SLIT3: variants seen among roughly 807,000 people sequenced by gnomAD.
The protein encoded by SLIT3 is slit guidance ligand 3, also known as slit homolog 3 protein.
A neutral mutation model predicts 184.0 loss-of-function variants in SLIT3; 68 were observed. That is an observed-to-expected ratio of 0.37 (90% CI 0.30 to 0.45). SLIT3 has a LOEUF of 0.45. Ranked by LOEUF, SLIT3 falls within the 20% of genes least tolerant of loss-of-function variation. The pLI is 1.00. For missense variants in SLIT3, 1,707 were observed against 2,026.0 expected (o/e 0.84, Z 3.02); for synonymous variants, 831 against 828.6 (o/e 1.00, Z -0.05).
intron 4 of SLIT3, among the ~76,000 whole-genome samples, chr5:168,996,788 G>T (rs1264647789): frequency 6.6e-6 from 1 of 152,174 alleles, no homozygotes; most frequent in Non-Finnish European, 1.5e-5. Flanking sequence ...TGACGGTGAG[G>T]GGCCCCAGCT....
intron 9 of SLIT3, among the ~76,000 whole-genome samples, chr5:168,805,097 T>C (rs958889107): frequency 6.6e-6 from 1 of 152,254 alleles, no homozygotes; most frequent in Non-Finnish European, 1.5e-5. Context: ...TTACTTTACT[T>C]TGTTGCTTGT....
chr5:168,708,990 G>A (rs1423147455), intron 25 of SLIT3, among the ~76,000 whole-genome samples: 1 of 152,150 alleles, frequency 6.6e-6, no homozygotes, highest in Non-Finnish European at 1.5e-5. Context: ...GCTTGGGGCT[G>A]AGGGGGTTTG....
chr5:168,731,385 C>G (rs763433591), intron 20 of SLIT3, among the ~76,000 whole-genome samples: 4 of 151,868 alleles, frequency 2.6e-5, no homozygotes, highest in Non-Finnish European at 4.4e-5. Context: ...ACACAAAAAA[C>G]TAGTATTAAT....
intron 4 of SLIT3, among the ~76,000 whole-genome samples, chr5:168,951,247 A>G (rs1300461330): frequency 6.6e-6 from 1 of 152,114 alleles, no homozygotes; most frequent in African/African-American, 2.4e-5. Flanking sequence ...AACCCATCAA[A>G]TCTATTTAAT....
intron 4 of SLIT3, among the ~76,000 whole-genome samples, chr5:168,940,382 A>C (rs543622926): frequency 6.6e-6 from 1 of 152,210 alleles, no homozygotes; most frequent in Non-Finnish European, 1.5e-5. Flanking sequence ...CTGCAAATCA[A>C]CAGTTAAGAA....
chr5:169,249,341 A>C (rs1309164622), intron 2 of SLIT3, among the ~76,000 whole-genome samples: 1 of 152,216 alleles, frequency 6.6e-6, no homozygotes, highest in Non-Finnish European at 1.5e-5. Context: ...GCTTATCAAA[A>C]TAAGAGGAAT....
intron 4 of SLIT3, among the ~76,000 whole-genome samples, chr5:169,166,240 G>T (rs1163758785): frequency 6.6e-6 from 1 of 152,094 alleles, no homozygotes; most frequent in African/African-American, 2.4e-5. Flanking sequence ...CAAAGTTCTT[G>T]TTCATGCTGG....
intron 1 of SLIT3, among the ~76,000 whole-genome samples, chr5:169,263,162 T>C (rs1478077464): frequency 2.0e-5 from 3 of 152,052 alleles, no homozygotes; most frequent in Non-Finnish European, 4.4e-5. Flanking sequence ...CTGGGCAACA[T>C]AGCAAGACCC....
intron 4 of SLIT3, among the ~76,000 whole-genome samples, chr5:168,956,968 C>T (rs1194773002): frequency 2.0e-5 from 3 of 151,066 alleles, no homozygotes; most frequent in Non-Finnish European, 2.9e-5. Flanking sequence ...GTGGCTCACA[C>T]CTGTAATCCC....
chr5:168,686,308 G>A (rs1255257447), intron 30 of SLIT3, among the ~76,000 whole-genome samples: 1 of 152,160 alleles, frequency 6.6e-6, no homozygotes, highest in Non-Finnish European at 1.5e-5. Flanking sequence ...AATTGCCTGG[G>A]GGTGATTTCT....
At chr5:168,780,729 T>C (rs988192944) in intron 12 of SLIT3, among the ~76,000 whole-genome samples, 2 of 152,200 alleles carry the variant, frequency 1.3e-5, no homozygotes, top group Admixed American at 1.3e-4. Flanking sequence ...TTCTCTAGTA[T>C]TAACCCTCTG....
chr5:169,289,007 C>T (rs1406268603), intron 1 of SLIT3, among the ~76,000 whole-genome samples: 1 of 152,154 alleles, frequency 6.6e-6, no homozygotes, highest in Non-Finnish European at 1.5e-5. Context: ...TTAAGGTATT[C>T]GCATAGCACT....
At chr5:168,750,329 G>A (rs753663216) in intron 18 of SLIT3, among the ~76,000 whole-genome samples, 5 of 152,324 alleles carry the variant, frequency 3.3e-5, no homozygotes, top group East Asian at 1.9e-4. Context: ...ACCATGCCAC[G>A]CACTTTATAA....
At chr5:168,744,243 T>C (rs563050042) in intron 20 of SLIT3, among the ~76,000 whole-genome samples, 1 of 152,236 alleles carries the variant, frequency 6.6e-6, no homozygotes, top group Non-Finnish European at 1.5e-5. Context: ...GAGCCGAGAT[T>C]GCGCCACGGC....
chr5:169,132,345 T>G lies in SLIT3; in HGVS notation c.413+61134A>C, dbSNP rs114554993. Reference sequence around the variant, plus strand: ...GAGGAAAAAGAAGGCATGCCAAGTCTGTATTTACACAAGAAACTGTGTTAT... The same window carrying G: ...GAGGAAAAAGAAGGCATGCCAAGTCGGTATTTACACAAGAAACTGTGTTAT... On this transcript the variant is annotated intron_variant, in intron 4 of 35. Coordinates refer to ENST00000519560, the MANE Select transcript of SLIT3 (RefSeq NM_003062.4). Among the ~76,000 whole-genome samples the G allele has an allele frequency of 5.3e-3, 810 of 152,322 alleles. 8 individuals carry two copies. Among genetic ancestry groups the G allele is most frequent in the African/African-American group, 0.018 (728 of 41,568 alleles).
At chr5:168,687,206 C>T in intron 29 of SLIT3, 90 bp from the exon 30 acceptor site, 8 of 1,454,834 alleles carry the variant, frequency 5.5e-6, no homozygotes, top group African/African-American at 1.4e-5. Context: ...GGTGGCCTCT[C>T]CCCATCTCTT....
chr5:168,926,366 A>G (rs1761823414), intron 4 of SLIT3, among the ~76,000 whole-genome samples: 1 of 152,204 alleles, frequency 6.6e-6, no homozygotes, highest in African/African-American at 2.4e-5. Flanking sequence ...TTTCTCTAAG[A>G]GAGAACATAT....
chr5:168,914,032 G>A (rs796805865), intron 4 of SLIT3, among the ~76,000 whole-genome samples: 5 of 152,024 alleles, frequency 3.3e-5, no homozygotes, highest in African/African-American at 1.2e-4. Context: ...CTTTTAAATG[G>A]CCACATACTC....
chr5:168,967,720 G>A (rs537757543), intron 4 of SLIT3, among the ~76,000 whole-genome samples: 1 of 140,248 alleles, frequency 7.1e-6, no homozygotes, highest in South Asian at 2.2e-4. Context: ...GATTACAGGC[G>A]TGAGCCACCG....
Sources: gnomAD v4.1 joint callset for allele counts (sites outside exome capture counted in the v4.1 genomes callset) on GRCh38, gnomAD v4.1.1 for gene constraint, MANE v1.5 for transcripts, NCBI Gene and HGNC (gene_info 2026-07-23, HGNC 2026-07-21) for gene names.